The following TMEM135 variants were observed in gnomAD, a reference collection of about 807,000 sequenced individuals.
The protein encoded by TMEM135 is peroxisomal membrane protein 52.
Under a neutral mutation model 60.3 loss-of-function variants are expected in TMEM135, and 30 were observed. That is an observed-to-expected ratio of 0.50 (90% CI 0.37 to 0.68). The LOEUF is 0.68. Among genes scored for constraint, TMEM135 ranks in the 30% least tolerant of loss-of-function variants. The pLI is 0.00. For missense variants in TMEM135, 468 were observed against 548.8 expected (o/e 0.85, Z 1.47); for synonymous variants, 190 against 186.7 (o/e 1.02, Z -0.14).
At chr11:87,180,745 G>T (rs1939493834) in intron 5 of TMEM135, among the ~76,000 whole-genome samples, 1 of 152,126 alleles carries the variant, frequency 6.6e-6, no homozygotes, top group Non-Finnish European at 1.5e-5. Flanking sequence ...GGTAGGTTGG[G>T]ACTTGTGGTT....
chr11:87,209,330 A>G (rs1019772803), intron 5 of TMEM135, among the ~76,000 whole-genome samples: 1 of 152,228 alleles, frequency 6.6e-6, no homozygotes, highest in Non-Finnish European at 1.5e-5. Flanking sequence ...TGACAGCCAT[A>G]GGCACAAAAT....
intron 4 of TMEM135, among the ~76,000 whole-genome samples, chr11:87,128,987 A>G (rs1460159652): frequency 1.3e-5 from 2 of 149,174 alleles, no homozygotes; most frequent in African/African-American, 2.5e-5. Flanking sequence ...CTATTTGGAA[A>G]TTAAGCAGGT....
At chr11:87,147,991 T>C (rs534009) in intron 4 of TMEM135, among the ~76,000 whole-genome samples, 55,901 of 151,982 alleles carry the variant, frequency 0.37, 10,809 homozygotes, top group East Asian at 0.67. Context: ...CTCCTGACCT[T>C]GAGATCTGCC....
intron 5 of TMEM135, among the ~76,000 whole-genome samples, chr11:87,219,360 C>G (rs1369956999): frequency 1.3e-5 from 2 of 152,128 alleles, no homozygotes; most frequent in Non-Finnish European, 2.9e-5. Context: ...AAGGTGCTGT[C>G]AGGGTTGGTT....
At chr11:87,193,984 C>T (rs902379993) in intron 5 of TMEM135, among the ~76,000 whole-genome samples, 2 of 151,928 alleles carry the variant, frequency 1.3e-5, no homozygotes, top group African/African-American at 4.8e-5. Flanking sequence ...TTTTCACTTA[C>T]TAGCAGAGAA....
chr11:87,108,204 C>T (rs2513231), intron 4 of TMEM135, among the ~76,000 whole-genome samples: 83,217 of 151,944 alleles, frequency 0.55, 23,593 homozygotes, highest in East Asian at 0.71. Flanking sequence ...TTCTCCCATT[C>T]TGTAGGTTGC....
At chr11:87,116,638 CACACACACAG>C (rs140985529) in intron 4 of TMEM135, among the ~76,000 whole-genome samples, 52,411 of 128,636 alleles carry the variant, frequency 0.41, 9,425 homozygotes, top group East Asian at 0.64. Context: ...CATACACACA[CACACACACAG>C]ACACACACAT....
intron 6 of TMEM135, among the ~76,000 whole-genome samples, chr11:87,249,494 C>A (rs1394516122): frequency 6.6e-6 from 1 of 151,902 alleles, no homozygotes; most frequent in Non-Finnish European, 1.5e-5. Flanking sequence ...TTTTCTTCTG[C>A]TAATTTTGGG....
At chr11:87,314,682 C>G (rs1405061735) in intron 12 of TMEM135, 135 bp downstream of exon 12, 1 of 707,158 alleles carries the variant, frequency 1.4e-6, no homozygotes, top group Non-Finnish European at 2.5e-6. Flanking sequence ...AAGTTGATTC[C>G]CCTGTGTTTT....
At chr11:87,225,505 A>T (rs2135360844) in intron 5 of TMEM135, among the ~76,000 whole-genome samples, 1 of 152,220 alleles carries the variant, frequency 6.6e-6, no homozygotes, top group Non-Finnish European at 1.5e-5. Flanking sequence ...TTGTAAAAAA[A>T]AAAGTCATTA....
chr11:87,041,057 A>G (rs755216431), intron 1 of TMEM135, among the ~76,000 whole-genome samples: 1 of 152,212 alleles, frequency 6.6e-6, no homozygotes, highest in African/African-American at 2.4e-5. Context: ...TTGTAAGAGA[A>G]GCAATGAATA....
In TMEM135 at chr11:87,319,420, T is replaced by TAAGTATATGTTCCTCTACCTTACA. The variant is rs1286301989; in HGVS notation, c.1244+43_1244+44insAAGTATATGTTCCTCTACCTTACA. The TAAGTATATGTTCCTCTACCTTACA allele has an allele frequency of 1.1e-5, 16 of 1,412,932 alleles. No homozygotes were observed. In the African/African-American group the frequency reaches 2.0e-4, roughly 18 times the overall value. 87.5% of individuals were successfully genotyped at this position (1,412,932 alleles called of 1,614,324 possible). ...TTTCTTAAAAATATTATGAGTGGTT[T>TAAGTATATGTTCCTCTACCTTACA]TATCTTTTTGAGGGAATATTCTTTC... is the stretch of plus-strand genomic sequence containing the variant. On this transcript the variant is annotated intron_variant, in intron 14 of 14. Coordinates refer to ENST00000305494, the MANE Select transcript of TMEM135 (RefSeq NM_022918.4).
chr11:87,243,500 C>T (rs1941188917), intron 6 of TMEM135, among the ~76,000 whole-genome samples: 1 of 124,326 alleles, frequency 8.0e-6, no homozygotes, highest in African/African-American at 3.1e-5. Context: ...GAATGTTCTT[C>T]CATTTGTTTG....
intron 4 of TMEM135, 117 bp downstream of exon 4, chr11:87,091,512 G>C: frequency 1.1e-6 from 1 of 948,954 alleles, no homozygotes; most frequent in South Asian, 1.4e-5. Context: ...AATCTTCTCT[G>C]TGTTAATGGA....
At chr11:87,070,530 A>G (rs537259667) in intron 2 of TMEM135, among the ~76,000 whole-genome samples, 6 of 151,860 alleles carry the variant, frequency 4.0e-5, no homozygotes, top group African/African-American at 1.2e-4. Flanking sequence ...GCTACTCGGG[A>G]GGGGCTGAAG....
At chr11:87,135,658 A>G (rs528435986) in intron 4 of TMEM135, among the ~76,000 whole-genome samples, 1 of 152,060 alleles carries the variant, frequency 6.6e-6, no homozygotes, top group Non-Finnish European at 1.5e-5. Context: ...TGATAACTGT[A>G]GCAGTCATGT....
intron 5 of TMEM135, among the ~76,000 whole-genome samples, chr11:87,221,580 C>G (rs1940617277): frequency 6.6e-6 from 1 of 152,146 alleles, no homozygotes; most frequent in Non-Finnish European, 1.5e-5. Flanking sequence ...TCTTGATGCT[C>G]TCTGTACACA....
intron 5 of TMEM135, among the ~76,000 whole-genome samples, chr11:87,208,183 T>A (rs940048831): frequency 6.6e-6 from 1 of 152,134 alleles, no homozygotes; most frequent in African/African-American, 2.4e-5. Flanking sequence ...TCTTTTTACC[T>A]CCAAACGATC....
intron 4 of TMEM135, among the ~76,000 whole-genome samples, chr11:87,137,195 CCTT>C (rs1565457157): frequency 6.6e-6 from 1 of 151,526 alleles, no homozygotes; most frequent in Non-Finnish European, 1.5e-5. Flanking sequence ...TTTGTTATGT[CCTT>C]CTGATAATTT....
Sources: allele counts gnomAD v4.1 joint callset (sites outside exome capture counted in the v4.1 genomes callset), GRCh38; gene constraint gnomAD v4.1.1; transcripts MANE v1.5; gene names NCBI Gene and HGNC (gene_info 2026-07-23, HGNC 2026-07-21).